PCDH15: variants seen among roughly 807,000 people sequenced by gnomAD.
The protein encoded by PCDH15 is protocadherin-15.
A neutral mutation model predicts 178.5 loss-of-function variants in PCDH15; 129 were observed. That is an observed-to-expected ratio of 0.72 (90% CI 0.63 to 0.84). The LOEUF (loss-of-function observed/expected upper bound fraction) is 0.84. PCDH15 is among the 40% of genes least tolerant of loss of function. The pLI, the probability that PCDH15 is intolerant of heterozygous loss-of-function variation, is 0.00. For missense variants in PCDH15, 2,230 were observed against 2,099.9 expected, an observed-to-expected ratio of 1.06 and a Z score of -1.21; for synonymous variants, 800 against 732.0, an observed-to-expected ratio of 1.09 and a Z score of -1.50.
chr10:54,643,179 C>A (rs2094033525), intron 2 of PCDH15, among the ~76,000 whole-genome samples: 1 of 152,184 alleles, frequency 6.6e-6, no homozygotes. Flanking sequence ...CCCACCTTGG[C>A]CTCCCAAAGT....
intron 3 of PCDH15, among the ~76,000 whole-genome samples, chr10:54,816,339 C>A (rs1193329444): frequency 6.6e-6 from 1 of 151,954 alleles, no homozygotes; most frequent in Non-Finnish European, 1.5e-5. Context: ...TAACTAAAAT[C>A]TAGTAGATTA....
intron 2 of PCDH15, among the ~76,000 whole-genome samples, chr10:54,979,486 C>A (rs556117283): frequency 6.6e-6 from 1 of 151,838 alleles, no homozygotes; most frequent in African/African-American, 2.4e-5. Context: ...CTGGCCAACA[C>A]AGCAAAGCCC....
chr10:54,746,806 GA>G, intron 1 of PCDH15, among the ~76,000 whole-genome samples: 1 of 152,204 alleles, frequency 6.6e-6, no homozygotes, highest in South Asian at 2.1e-4. Flanking sequence ...TCAGCAAAGG[GA>G]AAAGGCTTAT....
chr10:54,315,951 T>C (rs2061238926), intron 8 of PCDH15, among the ~76,000 whole-genome samples: 2 of 135,954 alleles, frequency 1.5e-5, no homozygotes, highest in Admixed American at 1.6e-4. Context: ...TTTGTTTGTT[T>C]GTTTTTGTTT....
chr10:54,632,087 T>C (rs756931051), intron 2 of PCDH15, among the ~76,000 whole-genome samples: 10 of 152,108 alleles, frequency 6.6e-5, no homozygotes, highest in Non-Finnish European at 1.3e-4. Flanking sequence ...CACCATGGAA[T>C]ACTACACAGC....
chr10:54,110,438 T>C (rs1299804240), intron 15 of PCDH15, among the ~76,000 whole-genome samples: 1 of 152,160 alleles, frequency 6.6e-6, no homozygotes, highest in East Asian at 1.9e-4. Context: ...ACAGGTCTTT[T>C]TAGCCTGCTA....
Position 54,476,866 on chromosome 10 carries a change from C to A in PCDH15, c.157+50946G>T, listed in dbSNP as rs190522649. 2.6e-4 allele frequency among the ~76,000 whole-genome samples: 40 copies of A among 152,252 alleles called. No homozygotes were observed. The East Asian group carries it at 5.4e-3, about 21-fold the overall frequency. ...TTCCATCATCACTCTTCTCTCCTATCTTCAATTTGTCATCAATTTCTAAAG... is the reference window on the plus strand; with the variant it reads ...TTCCATCATCACTCTTCTCTCCTATATTCAATTTGTCATCAATTTCTAAAG... On this transcript the variant is annotated intron_variant, in intron 3 of 37. Coordinates refer to ENST00000644397, the MANE Select transcript of PCDH15 (RefSeq NM_001384140.1).
intron 2 of PCDH15, among the ~76,000 whole-genome samples, chr10:54,969,198 C>G (rs145282028): frequency 6.6e-6 from 1 of 151,950 alleles, no homozygotes; most frequent in East Asian, 1.9e-4. Context: ...AAATGTCTTT[C>G]TGTTTCTTCA....
chr10:54,450,130 A>AATATATATATAT lies in PCDH15; in HGVS notation c.158-71200_158-71189dup, dbSNP rs10526141. Among the ~76,000 whole-genome samples the AATATATATATAT allele has an allele frequency of 7.4e-3, 1,008 of 137,128 alleles. 3 individuals carry two copies. The highest frequency in any genetic ancestry group is 0.019 in the African/African-American group (693 of 35,980). The allele number at this position is 137,128 out of a possible 152,430, so 90.0% of individuals were successfully genotyped here. A position where few individuals can be genotyped will look rare whatever the true frequency, so the allele number is the denominator to read the frequency against. ...GGCAGATGACTATTCCTTTTTTATA[A>AATATATATATAT]ATATATATATATATATATATATATA... On this transcript the variant is annotated intron_variant, in intron 3 of 37. Coordinates refer to ENST00000644397, the MANE Select transcript of PCDH15 (RefSeq NM_001384140.1).
At chr10:54,287,639 C>G (rs770763927) in intron 8 of PCDH15, among the ~76,000 whole-genome samples, 2 of 152,004 alleles carry the variant, frequency 1.3e-5, no homozygotes, top group Non-Finnish European at 2.9e-5. Flanking sequence ...CTCTTTATGA[C>G]AGGACTATTT....
At chr10:54,514,946 G>A (rs1308935745) in intron 3 of PCDH15, among the ~76,000 whole-genome samples, 2 of 152,210 alleles carry the variant, frequency 1.3e-5, no homozygotes, top group African/African-American at 4.8e-5. Context: ...TTGTTTCTAA[G>A]ATTTGGTAAA....
chr10:54,529,198 G>A (rs2083667610), intron 2 of PCDH15, among the ~76,000 whole-genome samples: 1 of 152,004 alleles, frequency 6.6e-6, no homozygotes, highest in Admixed American at 6.6e-5. Flanking sequence ...GAAGCTGGGA[G>A]ATCTACACAT....
intron 2 of PCDH15, among the ~76,000 whole-genome samples, chr10:55,389,931 ATAT>A (rs1188869518): frequency 1.3e-5 from 2 of 152,156 alleles, no homozygotes; most frequent in African/African-American, 4.8e-5. Context: ...AAATTTTAAA[ATAT>A]TAAATTGTTT....
intron 32 of PCDH15, chr10:53,823,418 G>C: frequency 6.7e-7 from 1 of 1,494,556 alleles, no homozygotes; most frequent in Non-Finnish European, 9.3e-7. Flanking sequence ...GCTTTCATGA[G>C]AAAGATGTTT....
intron 9 of PCDH15, among the ~76,000 whole-genome samples, chr10:54,225,102 T>C (rs1591283866): frequency 6.6e-6 from 1 of 152,100 alleles, no homozygotes; most frequent in South Asian, 2.1e-4. Flanking sequence ...GCTTTTCCTA[T>C]GCATATTTAT....
At chr10:55,133,508 T>G (rs1278414320) in intron 2 of PCDH15, among the ~76,000 whole-genome samples, 1 of 152,144 alleles carries the variant, frequency 6.6e-6, no homozygotes, top group Non-Finnish European at 1.5e-5. Flanking sequence ...CCCATTCATC[T>G]CAGAGCTTTA....
intron 2 of PCDH15, among the ~76,000 whole-genome samples, chr10:54,627,352 T>C (rs2093583949): frequency 2.6e-5 from 4 of 152,128 alleles, no homozygotes; most frequent in Non-Finnish European, 5.9e-5. Flanking sequence ...CCCACGTGTT[T>C]TGGGAGGGAG....
chr10:54,331,386 C>A (rs1417102406), intron 6 of PCDH15, among the ~76,000 whole-genome samples: 1 of 151,772 alleles, frequency 6.6e-6, no homozygotes, highest in Non-Finnish European at 1.5e-5. Flanking sequence ...ATGTAATGGG[C>A]CTTGCAAATC....
intron 10 of PCDH15, among the ~76,000 whole-genome samples, chr10:54,196,810 T>C (rs2049717142): frequency 6.6e-6 from 1 of 152,022 alleles, no homozygotes; most frequent in Admixed American, 6.6e-5. Context: ...GGGCTCCTTT[T>C]CCCCGCCTCC....
Sources: gnomAD v4.1 joint callset for allele counts (sites outside exome capture counted in the v4.1 genomes callset) on GRCh38, gnomAD v4.1.1 for gene constraint, MANE v1.5 for transcripts, NCBI Gene and HGNC (gene_info 2026-07-23, HGNC 2026-07-21) for gene names.